Variants in ABHD15 observed in about 807,000 individuals in gnomAD.
ABHD15 encodes abhydrolase domain containing 15.
In ABHD15, 34 loss-of-function variants were observed where a neutral mutation model predicts 34.4. That is an observed-to-expected ratio of 0.99 (90% CI 0.75 to 1.32). ABHD15 has a LOEUF of 1.32. Among genes scored for constraint, ABHD15 ranks in the 40% most tolerant of loss-of-function variants. The pLI, the probability that ABHD15 is intolerant of heterozygous loss-of-function variation, is 0.00. For missense variants in ABHD15, 644 were observed against 650.4 expected (o/e 0.99, Z 0.11); for synonymous variants, 314 against 299.2 (o/e 1.05, Z -0.51).
In ABHD15 at chr17:29,566,993, A is replaced by C. The variant is rs2032733428; in HGVS notation, c.-27T>G. 4 of 1,287,464 alleles carry C rather than the reference A, an allele frequency of 3.1e-6. No individual in the cohort carries two copies. Among genetic ancestry groups the C allele is most frequent in the Non-Finnish European group, 3.9e-6 (4 of 1,022,710 alleles). The allele number at this position is 1,287,464 out of a possible 1,614,324, so 79.8% of individuals were successfully genotyped here. The stretch of plus-strand genomic sequence containing the variant: ...GCGAAGCTGGAGAGCCCCGGCGGGC[A>C]GCGGGCGGCGGGGCCGTCTACTCGG... On this transcript the variant is annotated 5_prime_UTR_variant, in exon 1 of 2. Transcript: ENST00000307201.
At position 29,561,213 on chromosome 17, in the gene ABHD15, G is replaced by A. The variant is rs1252185410; in HGVS notation, c.*1348C>T. 1 of 152,176 alleles carries A rather than the reference G, an allele frequency of 6.6e-6. No individual in the cohort carries two copies. The highest frequency in any genetic ancestry group is 2.4e-5 in the African/African-American group (1 of 41,430). 9.4% of individuals were successfully genotyped at this position (152,176 alleles called of 1,614,324 possible). A position where few individuals can be genotyped will look rare whatever the true frequency, so the allele number is the denominator to read the frequency against. Reference sequence around the variant, plus strand: ...CTTTGCTGTTTTTGAGGTCAGAACAGGAGCCCTCTTTCTCAATGACGATTA... The same window carrying A: ...CTTTGCTGTTTTTGAGGTCAGAACAAGAGCCCTCTTTCTCAATGACGATTA... On this transcript the variant is annotated 3_prime_UTR_variant, in exon 2 of 2. Coordinates refer to ENST00000307201, the MANE Select transcript of ABHD15 (RefSeq NM_198147.3).
chr17:29,566,225 C>T lies in ABHD15; in HGVS notation c.742G>A (p.Gly248Ser). ...ACGTAGCTGGAGGAGCCGCACTCGC[C>T]CAGGTAGGACAGGAGCAGCGCCGAG... The part of the protein sequence containing the change: ...SGSALLLSYL[G>S]ECGSSSYVTG... Residue 248 changes from glycine (G) to serine (S), a missense_variant, in exon 1 of 2, where the codon GGC becomes AGC. Transcript: ENST00000307201. 1.2e-6 allele frequency: 2 copies of T among 1,610,906 alleles called. No homozygotes were observed. The highest frequency in any genetic ancestry group is 1.7e-6 in the Non-Finnish European group (2 of 1,178,936).
At chr17:29,565,668 G>A (rs1168457015) in intron 1 of ABHD15, among the ~76,000 whole-genome samples, 4 of 152,174 alleles carry the variant, frequency 2.6e-5, no homozygotes, top group Admixed American at 2.6e-4. Flanking sequence ...GTCACCTCCA[G>A]GCTCAGAGAC....
chr17:29,566,488 A>C lies in ABHD15; in HGVS notation c.479T>G (p.Leu160Arg). 1.2e-6 allele frequency: 2 copies of C among 1,611,978 alleles called. No homozygotes were observed. The highest frequency in any genetic ancestry group is 1.7e-6 in the Non-Finnish European group (2 of 1,179,784). ...ITSAGGLPAV[L>R]LVIPNAWGRL... ...ACCCCACGCATTGGGGATCACCAGAAGCACCGCAGGAAGGCCCCCGGCGCT... is the reference window on the plus strand; with the variant it reads ...ACCCCACGCATTGGGGATCACCAGACGCACCGCAGGAAGGCCCCCGGCGCT... The change falls in exon 1 of 2, where the codon CTT becomes CGT. Residue 160 changes from leucine (L) to arginine (R), a missense_variant. By Grantham distance (102) the Leu-to-Arg change is moderately radical (BLOSUM62 -2). Coordinates refer to ENST00000307201, the MANE Select transcript of ABHD15 (RefSeq NM_198147.3).
At chr17:29,563,128 G>A (rs766591324) in intron 1 of ABHD15, 42 bp from the exon 2 acceptor site, 1 of 1,562,486 alleles carries the variant, frequency 6.4e-7, no homozygotes, top group Non-Finnish European at 8.6e-7. Context: ...GAAAGAGAGG[G>A]AAGAATGAGA....
Position 29,561,037 on chromosome 17 carries a change from T to C in ABHD15, c.*1524A>G, listed in dbSNP as rs938569179. ...ACATTTCAGTGCAGATTCTTGGAGTTATTTCAAAGTTTCTTCTGATTTGAT... is the reference window on the plus strand; with the variant it reads ...ACATTTCAGTGCAGATTCTTGGAGTCATTTCAAAGTTTCTTCTGATTTGAT... On this transcript the variant is annotated 3_prime_UTR_variant, in exon 2 of 2. Transcript: ENST00000307201. 3.3e-5 allele frequency: 5 copies of C among 152,176 alleles called. No homozygotes were observed. The highest frequency in any genetic ancestry group is 2.0e-4 in the Admixed American group (3 of 15,276). 9.4% of individuals were successfully genotyped at this position (152,176 alleles called of 1,614,324 possible). A position where few individuals can be genotyped will look rare whatever the true frequency, so the allele number is the denominator to read the frequency against.
chr17:29,566,331 C>T lies in ABHD15; in HGVS notation c.636G>A (p.Pro212=). 2 of 1,611,294 alleles carry T rather than the reference C, an allele frequency of 1.2e-6. No individual in the cohort carries two copies. Among genetic ancestry groups the T allele is most frequent in the South Asian group, 1.1e-5 (1 of 90,996 alleles). Residue 212 remains proline (P), a synonymous_variant, in exon 1 of 2, where the codon CCG becomes CCA. Coordinates refer to ENST00000307201, the MANE Select transcript of ABHD15 (RefSeq NM_198147.3). ...VSPRLQPFGD[P]SDLKEAVTYI... ...ATGTGACCGCCTCCTTGAGGTCGGACGGGTCCCCGAAAGGCTGCAGCCGGG... is the reference window on the plus strand; with the variant it reads ...ATGTGACCGCCTCCTTGAGGTCGGATGGGTCCCCGAAAGGCTGCAGCCGGG...
Position 29,566,770 on chromosome 17 carries a change from A to C in ABHD15, c.197T>G (p.Leu66Arg), listed in dbSNP as rs1279800831. Residue 66 changes from leucine to arginine, a missense_variant, in exon 1 of 2, where the codon CTG becomes CGG. By Grantham distance (102) the Leu-to-Arg change is moderately radical. Coordinates refer to ENST00000307201, the MANE Select transcript of ABHD15 (RefSeq NM_198147.3). Reference protein sequence around the residue: ...ADQFSDGREPLPGGCSLVCKP... With the variant: ...ADQFSDGREPRPGGCSLVCKP... Reference sequence around the variant, plus strand: ...GCAAACAAGGCTGCACCCTCCCGGCAGTGGCTCGCGCCCGTCGCTGAACTG... The same window carrying C: ...GCAAACAAGGCTGCACCCTCCCGGCCGTGGCTCGCGCCCGTCGCTGAACTG... The C allele has an allele frequency of 6.6e-7, 1 of 1,522,904 alleles. No homozygotes were observed. Among genetic ancestry groups the C allele is most frequent in the Non-Finnish European group, 8.8e-7 (1 of 1,142,248 alleles). The allele number at this position is 1,522,904 out of a possible 1,614,324, so 94.3% of individuals were successfully genotyped here.
In ABHD15 at chr17:29,565,963, G is replaced by A; in HGVS notation, c.881+123C>T. Reference sequence around the variant, plus strand: ...GGGTTTGGAAGGCTTTGGAAGATGTGTTCAGAGAACTTTGCCCAAACTGGC... The same window carrying A: ...GGGTTTGGAAGGCTTTGGAAGATGTATTCAGAGAACTTTGCCCAAACTGGC... On this transcript the variant is annotated intron_variant, in intron 1 of 1. Transcript: ENST00000307201. 3.0e-6 allele frequency: 4 copies of A among 1,336,424 alleles called. No individual in the cohort carries two copies. The South Asian group carries it at 4.6e-5, about 15-fold the overall frequency. 82.8% of individuals were successfully genotyped at this position (1,336,424 alleles called of 1,614,324 possible).
intron 1 of ABHD15, among the ~76,000 whole-genome samples, chr17:29,564,515 CCGTCTTTTGAATAGCTCAA>C (rs1329266263): frequency 6.6e-6 from 1 of 152,148 alleles, no homozygotes; most frequent in African/African-American, 2.4e-5. Flanking sequence ...ATGAGCAGCT[CCGTCTTTTGAATAGCTCAA>C]TCCAGCCTCA....
chr17:29,565,984 C>A, intron 1 of ABHD15, 102 bp downstream of exon 1: 1 of 1,450,564 alleles, frequency 6.9e-7, no homozygotes, highest in Non-Finnish European at 9.1e-7. Context: ...TTTGCCCAAA[C>A]TGGCCCACGC....
chr17:29,566,685 C>T lies in ABHD15; in HGVS notation c.282G>A (p.Glu94=). 1 of 1,592,112 alleles carries T rather than the reference C, an allele frequency of 6.3e-7. No homozygotes were observed. Among genetic ancestry groups the T allele is most frequent in the Non-Finnish European group, 8.5e-7 (1 of 1,174,722 alleles). The change falls in exon 1 of 2, where the codon GAG becomes GAA. Residue 94 remains glutamate, a synonymous_variant. Transcript: ENST00000307201. ...LRALRRSEAL[E]AGPRSWFSGP... ...CGGAGAACCAGGAGCGCGGGCCGGC[C>T]TCCAGCGCCTCTGAGCGCCGCAGGG...
chr17:29,565,954 G>T, intron 1 of ABHD15, 132 bp downstream of exon 1: 1 of 1,248,610 alleles, frequency 8.0e-7, no homozygotes, highest in Non-Finnish European at 1.1e-6. Flanking sequence ...GGAAGGCTTT[G>T]GAAGATGTGT....
chr17:29,566,253 C>G lies in ABHD15; in HGVS notation c.714G>C (p.Ser238=). ...GGTAGGACAGGAGCAGCGCCGAGCC[C>G]GAGCCTTCGCTCACCGCGAACAGCG... is the stretch of plus-strand genomic sequence containing the variant. The part of the protein sequence containing the change: ...AAPLFAVSEG[S]GSALLLSYLG... The change falls in exon 1 of 2, where the codon TCG becomes TCC. Residue 238 remains serine (S), a synonymous_variant. Transcript: ENST00000307201. 6.2e-7 allele frequency: 1 copy of G among 1,610,486 alleles called. No individual in the cohort carries two copies. The highest frequency in any genetic ancestry group is 8.5e-7 in the Non-Finnish European group (1 of 1,178,808).
Position 29,566,867 on chromosome 17 carries a change from C to A in ABHD15, c.100G>T (p.Gly34Ter). The change falls in exon 1 of 2, where the codon GGA becomes TGA. Residue 34 changes from glycine (G) to a stop codon, truncating the protein, a stop_gained. Coordinates refer to ENST00000307201, the MANE Select transcript of ABHD15 (RefSeq NM_198147.3). LOFTEE classifies it high-confidence loss of function. ...TGGGCCCCCGGCAGGGTCCTCTCTC[C>A]GACGGCGCGCCCCCAGGGTCCCCGG... The part of the protein sequence containing the change: ...RLRGPWGRAV[G>*]ERTLPGAQDR... 2 of 1,504,506 alleles carry A rather than the reference C, an allele frequency of 1.3e-6. No homozygotes were observed. Among genetic ancestry groups the A allele is most frequent in the Non-Finnish European group, 1.8e-6 (2 of 1,135,226 alleles). The allele number at this position is 1,504,506 out of a possible 1,614,324, so 93.2% of individuals were successfully genotyped here. A position where few individuals can be genotyped will look rare whatever the true frequency, so the allele number is the denominator to read the frequency against.
At position 29,566,528 on chromosome 17, in the gene ABHD15, C is replaced by T. The variant is rs756159896; in HGVS notation, c.439G>A (p.Gly147Ser). The part of the protein sequence containing the change: ...LDWVVGPCVR[G>S]RRITSAGGLP... ...CCCCCGGCGCTGGTGATCCGGCGGCCCCGAACACAAGGTCCTACCACCCAG... is the reference window on the plus strand; with the variant it reads ...CCCCCGGCGCTGGTGATCCGGCGGCTCCGAACACAAGGTCCTACCACCCAG... Residue 147 changes from glycine (G) to serine (S), a missense_variant, in exon 1 of 2, where the codon GGC (glycine) becomes AGC (serine). Gly to Ser is a moderately conservative substitution (Grantham distance 56). Transcript: ENST00000307201. 113 of 1,610,474 alleles carry T rather than the reference C, an allele frequency of 7.0e-5. 2 individuals are homozygous for T. In the Admixed American group the frequency reaches 1.0e-3, roughly 15 times the overall value.
At chr17:29,565,447 C>T (rs935679112) in intron 1 of ABHD15, among the ~76,000 whole-genome samples, 7 of 151,994 alleles carry the variant, frequency 4.6e-5, no homozygotes, top group Non-Finnish European at 1.0e-4. Context: ...CCCATCTCAA[C>T]CTCCTGAGTA....
In ABHD15 at chr17:29,562,904, A is replaced by T; in HGVS notation, c.1064T>A (p.Ile355Asn). Reference protein sequence around the residue: ...VDEAAVPVLCICSADDPVCGP... With the variant: ...VDEAAVPVLCNCSADDPVCGP... Reference sequence around the variant, plus strand: ...ACACACGGGGTCGTCAGCACTGCAGATACACAGCACAGGCACGGCTGCCTC... The same window carrying T: ...ACACACGGGGTCGTCAGCACTGCAGTTACACAGCACAGGCACGGCTGCCTC... Residue 355 changes from isoleucine (I) to asparagine (N), a missense_variant, in exon 2 of 2, where the codon ATC (isoleucine) becomes AAC (asparagine). Coordinates refer to ENST00000307201, the MANE Select transcript of ABHD15 (RefSeq NM_198147.3). The T allele has an allele frequency of 6.2e-7, 1 of 1,614,146 alleles. No homozygotes were observed. Among genetic ancestry groups the T allele is most frequent in the Non-Finnish European group, 8.5e-7 (1 of 1,180,048 alleles).
rs1433402443 is a variant in ABHD15, at chr17:29,566,149, T to C, written c.818A>G (p.Glu273Gly). 6.3e-7 allele frequency: 1 copy of C among 1,595,470 alleles called. No homozygotes were observed. The highest frequency in any genetic ancestry group is 1.3e-5 in the African/African-American group (1 of 74,434). Residue 273 changes from glutamate to glycine, a missense_variant, in exon 1 of 2, where the codon GAG becomes GGG. Transcript: ENST00000307201. Reference protein sequence around the residue: ...SPVLRCREWFEAGLPWPYERG... With the variant: ...SPVLRCREWFGAGLPWPYERG... ...CTCGTAGGGCCAGGGCAGGCCGGCC[T>C]CGAACCACTCTCGGCAGCGCAGCAC...
Sources: allele counts gnomAD v4.1 joint callset (sites outside exome capture counted in the v4.1 genomes callset), GRCh38; gene constraint gnomAD v4.1.1; transcripts MANE v1.5; gene names NCBI Gene and HGNC (gene_info 2026-07-23, HGNC 2026-07-21).